The following AP3B2 variants were observed in gnomAD, a reference collection of about 807,000 sequenced individuals.
AP3B2 encodes adaptor related protein complex 3 subunit beta 2, also known as AP-3 complex subunit beta-2.
AP3B2 carries 50 observed loss-of-function variants against 126.9 expected under a neutral mutation model. That is an observed-to-expected ratio of 0.39 (90% confidence interval 0.31 to 0.50). The LOEUF (loss-of-function observed/expected upper bound fraction) is 0.50, where lower values mean the gene tolerates loss of function less well. AP3B2 is among the 20% of genes least tolerant of loss of function. AP3B2 has a pLI of 0.79. For missense variants in AP3B2, 1,177 were observed against 1,426.4 expected, an observed-to-expected ratio of 0.83 and a Z score of 2.82; for synonymous variants, 541 against 565.0, an observed-to-expected ratio of 0.96 and a Z score of 0.60.
At position 82,665,648 on chromosome 15, in the gene AP3B2, G is replaced by T; in HGVS notation, c.1853-73C>A. 3 of 1,267,950 alleles carry T rather than the reference G, an allele frequency of 2.4e-6. No homozygotes were observed. Among genetic ancestry groups the T allele is most frequent in the Non-Finnish European group, 2.3e-6 (2 of 879,490 alleles). 78.5% of individuals were successfully genotyped at this position (1,267,950 alleles called of 1,614,324 possible). A position where few individuals can be genotyped will look rare whatever the true frequency, so the allele number is the denominator to read the frequency against. On this transcript the variant is annotated intron_variant, in intron 15 of 26. Coordinates refer to ENST00000535359, the MANE Select transcript of AP3B2 (RefSeq NM_001278512.2). The surrounding 1 kb of genome is among the most constrained non-coding windows in gnomAD (Gnocchi z 4.4). ...CTCTGGGAGCTGTTTTCCAGGTGGG[G>T]CTGGGTGGTGATTCTGGTTGGGACT...
rs549574381 is a variant in AP3B2 at position 82,704,632 on chromosome 15, A to G, written c.113+4962T>C. On this transcript the variant is annotated intron_variant, in intron 1 of 26. Coordinates refer to ENST00000535359, the MANE Select transcript of AP3B2 (RefSeq NM_001278512.2). ...ACCCCACTGGAAATCGGACTGTCCA[A>G]CTCACCTGGCAGCCACTCCCAGAGC... 3.3e-5 allele frequency among the ~76,000 whole-genome samples: 5 copies of G among 152,260 alleles called. No homozygotes were observed. The East Asian group carries it at 9.7e-4, about 29-fold the overall frequency.
intron 1 of AP3B2, among the ~76,000 whole-genome samples, chr15:82,708,388 T>C (rs1045621894): frequency 6.6e-6 from 1 of 152,174 alleles, no homozygotes; most frequent in African/African-American, 2.4e-5. Context: ...TCTCTTCACA[T>C]GGACGTGCGT....
chr15:82,689,503 G>A, intron 1 of AP3B2, 50 bp from the exon 2 acceptor site: 1 of 1,565,238 alleles, frequency 6.4e-7, no homozygotes, highest in South Asian at 1.1e-5. Flanking sequence ...TGGGGATGGG[G>A]TATTAATCAG....
chr15:82,676,933 A>G (rs1000671770), intron 13 of AP3B2, among the ~76,000 whole-genome samples: 1 of 152,204 alleles, frequency 6.6e-6, no homozygotes, highest in Non-Finnish European at 1.5e-5. Flanking sequence ...CTTTATTTCC[A>G]TGTTACTCTC....
At chr15:82,689,133 C>G in intron 3 of AP3B2, 25 bp downstream of exon 3, 1 of 1,613,184 alleles carries the variant, frequency 6.2e-7, no homozygotes, top group Non-Finnish European at 8.5e-7. Flanking sequence ...TGGGGACAAG[C>G]AATCCCTCAC....
At chr15:82,699,793 C>T in intron 1 of AP3B2, 1 of 399,324 alleles carries the variant, frequency 2.5e-6, no homozygotes, top group Non-Finnish European at 4.4e-6. Context: ...CAGCACAGGG[C>T]TAGCAGCCTC....
At position 82,665,406 on chromosome 15, in the gene AP3B2, C is replaced by G; in HGVS notation, c.1971+51G>C. On this transcript the variant is annotated intron_variant, in intron 16 of 26. Coordinates refer to ENST00000535359, the MANE Select transcript of AP3B2 (RefSeq NM_001278512.2). The surrounding 1 kb of genome is among the most constrained non-coding windows in gnomAD (Gnocchi z 4.4). ...ACACACACACACACACACACACACA[C>G]ACACACACACACACACACACACACA... is the stretch of plus-strand genomic sequence containing the variant. 7.5e-6 allele frequency: 6 copies of G among 796,052 alleles called. No homozygotes were observed. The highest frequency in any genetic ancestry group is 9.5e-6 in the Non-Finnish European group (5 of 525,892). The allele number at this position is 796,052 out of a possible 1,614,324, so 49.3% of individuals were successfully genotyped here.
At chr15:82,675,203 A>C (rs758518920) in intron 14 of AP3B2, among the ~76,000 whole-genome samples, 3 of 152,194 alleles carry the variant, frequency 2.0e-5, no homozygotes, top group Non-Finnish European at 2.9e-5. Flanking sequence ...CAACACTGAT[A>C]ACAAGCTCAG....
chr15:82,693,187 C>T (rs1187718594), intron 1 of AP3B2, among the ~76,000 whole-genome samples: 3 of 128,846 alleles, frequency 2.3e-5, no homozygotes, highest in African/African-American at 6.2e-5. Flanking sequence ...AATCTCCCCC[C>T]GCCCCCACCC....
Position 82,664,799 on chromosome 15 carries a change from A to C in AP3B2, c.2137+36T>G. On this transcript the variant is annotated intron_variant, in intron 18 of 26. Transcript: ENST00000535359. This position sits in a 1 kb window ranked among gnomAD's most constrained non-coding sequence, Gnocchi z 4.5. Reference sequence around the variant, plus strand: ...TAGTCAGTCACACAGATGCATGGGCAGAGCACAGAGGACCCCAGCTCTGCC... The same window carrying C: ...TAGTCAGTCACACAGATGCATGGGCCGAGCACAGAGGACCCCAGCTCTGCC... 6.8e-7 allele frequency: 1 copy of C among 1,471,478 alleles called. No homozygotes were observed. Among genetic ancestry groups the C allele is most frequent in the South Asian group, 1.2e-5 (1 of 82,722 alleles). 91.2% of individuals were successfully genotyped at this position (1,471,478 alleles called of 1,614,324 possible).
intron 1 of AP3B2, among the ~76,000 whole-genome samples, chr15:82,700,682 AGCCACCGCGC>A (rs1273337354): frequency 6.6e-6 from 1 of 150,788 alleles, no homozygotes; most frequent in Non-Finnish European, 1.5e-5. Context: ...TACAGGCGTG[AGCCACCGCGC>A]CTGGCCTGGT....
chr15:82,698,494 A>C (rs1005326585), intron 1 of AP3B2, among the ~76,000 whole-genome samples: 3 of 151,622 alleles, frequency 2.0e-5, no homozygotes, highest in Admixed American at 1.3e-4. Context: ...CCCCCTACAC[A>C]CACACACACA....
intron 10 of AP3B2, 52 bp from the exon 11 acceptor site, chr15:82,678,219 T>C (rs191073441): frequency 9.7e-6 from 15 of 1,540,146 alleles, no homozygotes; most frequent in Non-Finnish European, 1.3e-5. Context: ...CAGTGGACTT[T>C]CTGTGCTTTC....
rs749228836 is a variant in AP3B2 at position 82,677,357 on chromosome 15, C to A, written c.1405G>T (p.Val469Phe). Residue 469 changes from valine (V) to phenylalanine (F), a missense_variant, in exon 13 of 27, where the codon GTC becomes TTC. Physicochemically the swap from Val to Phe is conservative, Grantham distance 50. Transcript: ENST00000535359. ...DELVVAESVV[V>F]IKKLLQMQPA... Reference sequence around the variant, plus strand: ...TGCATCTGTAGCAATTTCTTAATGACGACCACTGACTCTGCAACCACAAGC... The same window carrying A: ...TGCATCTGTAGCAATTTCTTAATGAAGACCACTGACTCTGCAACCACAAGC... 1 of 1,613,910 alleles carries A rather than the reference C, an allele frequency of 6.2e-7. No homozygotes were observed. Among genetic ancestry groups the A allele is most frequent in the Non-Finnish European group, 8.5e-7 (1 of 1,179,876 alleles).
At chr15:82,666,991 A>C in intron 14 of AP3B2, 58 bp from the exon 15 acceptor site, 1 of 1,531,870 alleles carries the variant, frequency 6.5e-7, no homozygotes, top group Non-Finnish European at 8.9e-7. Context: ...CAGGAGGCTC[A>C]GAAACAGATT....
Position 82,665,177 on chromosome 15 carries a change from C to A in AP3B2, c.2028+70G>T. On this transcript the variant is annotated intron_variant, in intron 17 of 26. Transcript: ENST00000535359. This position sits in a 1 kb window ranked among gnomAD's most constrained non-coding sequence, Gnocchi z 4.4. ...CAGAGTATGGGAAGGCCCAGGAGCACAACACACAGGGGAAGAAGAGGGACA... is the reference window on the plus strand; with the variant it reads ...CAGAGTATGGGAAGGCCCAGGAGCAAAACACACAGGGGAAGAAGAGGGACA... The A allele has an allele frequency of 6.7e-7, 1 of 1,489,996 alleles. No individual in the cohort carries two copies. Among genetic ancestry groups the A allele is most frequent in the Non-Finnish European group, 9.0e-7 (1 of 1,105,814 alleles). The allele number at this position is 1,489,996 out of a possible 1,614,324, so 92.3% of individuals were successfully genotyped here. A position where few individuals can be genotyped will look rare whatever the true frequency, so the allele number is the denominator to read the frequency against.
intron 1 of AP3B2, among the ~76,000 whole-genome samples, chr15:82,707,492 A>C (rs2048814751): frequency 6.6e-6 from 1 of 151,930 alleles, no homozygotes; most frequent in Non-Finnish European, 1.5e-5. Flanking sequence ...TATTCACCAT[A>C]CTCAACTACT....
At chr15:82,704,923 CA>C (rs1156948215) in intron 1 of AP3B2, among the ~76,000 whole-genome samples, 1 of 150,562 alleles carries the variant, frequency 6.6e-6, no homozygotes, top group East Asian at 2.0e-4. Context: ...CTAAACCTCT[CA>C]AAACTCCCCA....
rs2048048170 is a variant in AP3B2, at chr15:82,665,794, G to A, written c.1853-219C>T. Reference sequence around the variant, plus strand: ...CTGGCCAGGCCAGAGCAGGGACTGAGGGCCAGGGAAAGGCAGCCTACAGAG... The same window carrying A: ...CTGGCCAGGCCAGAGCAGGGACTGAAGGCCAGGGAAAGGCAGCCTACAGAG... On this transcript the variant is annotated intron_variant, in intron 15 of 26. Transcript: ENST00000535359. The surrounding 1 kb of genome is among the most constrained non-coding windows in gnomAD (Gnocchi z 4.4). Among the ~76,000 whole-genome samples the A allele has an allele frequency of 6.6e-6, 1 of 152,212 alleles. No individual in the cohort carries two copies. Among genetic ancestry groups the A allele is most frequent in the Admixed American group, 6.5e-5 (1 of 15,288 alleles).
Sources: gnomAD v4.1 joint callset for allele counts (sites outside exome capture counted in the v4.1 genomes callset) on GRCh38, gnomAD v4.1.1 for gene constraint, Gnocchi (gnomAD v3.1) non-coding constraint, MANE v1.5 for transcripts, NCBI Gene and HGNC (gene_info 2026-07-23, HGNC 2026-07-21) for gene names.